HOGA1: variants seen among roughly 807,000 people sequenced by gnomAD.
HOGA1 encodes the protein 4-hydroxy-2-oxoglutarate aldolase, mitochondrial.
A neutral mutation model predicts 34.3 loss-of-function variants in HOGA1; 30 were observed. That is an observed-to-expected ratio of 0.87 (90% CI 0.65 to 1.19). The LOEUF is 1.19. Among genes scored for constraint, HOGA1 ranks in the 50% most tolerant of loss-of-function variants. The probability of loss-of-function intolerance (pLI) is 0.00; values close to 1 mark genes in which losing one functional copy is unlikely to be tolerated. For missense variants in HOGA1, 417 were observed against 436.5 expected, an observed-to-expected ratio of 0.96 and a Z score of 0.40; for synonymous variants, 161 against 174.0, an observed-to-expected ratio of 0.93 and a Z score of 0.59.
At chr10:97,610,524 C>T (rs1417880019) in intron 6 of HOGA1, among the ~76,000 whole-genome samples, 2 of 152,070 alleles carry the variant, frequency 1.3e-5, no homozygotes, top group African/African-American at 2.4e-5. Flanking sequence ...GTGGCTCATG[C>T]CTGTAATCCT....
intron 1 of HOGA1, among the ~76,000 whole-genome samples, chr10:97,594,815 T>C (rs897853361): frequency 1.3e-5 from 2 of 151,972 alleles, no homozygotes; most frequent in Non-Finnish European, 2.9e-5. Flanking sequence ...ATAGGAGAGG[T>C]CAGATTGAAA....
At chr10:97,605,620 A>G (rs2041151480) in intron 6 of HOGA1, among the ~76,000 whole-genome samples, 1 of 152,206 alleles carries the variant, frequency 6.6e-6, no homozygotes, top group Non-Finnish European at 1.5e-5. Context: ...ATAGATGTAT[A>G]GTACAGATGT....
rs1342216453 is a variant in HOGA1 at position 97,599,785 on chromosome 10, A to G, written c.574A>G (p.Ile192Val). ...AVVTLSQHPN[I>V]VGMKDSGGDV... ...GGTCACGCTTTCCCAGCACCCGAATATTGTGGGCATGAAGGACAGCGGTGG... is the reference window on the plus strand; with the variant it reads ...GGTCACGCTTTCCCAGCACCCGAATGTTGTGGGCATGAAGGACAGCGGTGG... Residue 192 changes from isoleucine (I) to valine (V), a missense_variant, in exon 4 of 7, where the codon ATT (isoleucine) becomes GTT (valine). By Grantham distance (29) the Ile-to-Val change is conservative. Coordinates refer to ENST00000370646, the MANE Select transcript of HOGA1 (RefSeq NM_138413.4). 6.2e-7 allele frequency: 1 copy of G among 1,613,962 alleles called. No individual in the cohort carries two copies. The highest frequency in any genetic ancestry group is 8.5e-7 in the Non-Finnish European group (1 of 1,180,012).
intron 1 of HOGA1, among the ~76,000 whole-genome samples, chr10:97,594,372 T>A (rs1020539925): frequency 2.0e-5 from 3 of 151,494 alleles, no homozygotes; most frequent in African/African-American, 7.3e-5. Context: ...TTTATTTTTT[T>A]AAGACAGAGT....
rs2041139424 is a variant in HOGA1, at chr10:97,603,884, T to C, written c.834+1894T>C. On this transcript the variant is annotated intron_variant, in intron 6 of 6. Transcript: ENST00000370646. This position sits in a 1 kb window ranked among gnomAD's most constrained non-coding sequence, Gnocchi z 4.5. Reference sequence around the variant, plus strand: ...CAAACTTTTTATTTTTAGATAATTATAGATTCCCATGCAACTTTAAGAACT... The same window carrying C: ...CAAACTTTTTATTTTTAGATAATTACAGATTCCCATGCAACTTTAAGAACT... Among the ~76,000 whole-genome samples, 3 of 152,208 alleles carry C rather than the reference T, an allele frequency of 2.0e-5. No individual in the cohort carries two copies. The highest frequency in any genetic ancestry group is 7.2e-5 in the African/African-American group (3 of 41,452).
At chr10:97,590,572 C>G in intron 1 of HOGA1, 1 of 1,606,780 alleles carries the variant, frequency 6.2e-7, no homozygotes, top group Admixed American at 1.7e-5. Flanking sequence ...GACACTAGAT[C>G]TGTGACTTCT....
rs949406817 is a variant in HOGA1, at chr10:97,611,160, C to T, written c.835-350C>T. On this transcript the variant is annotated intron_variant, in intron 6 of 6. Transcript: ENST00000370646. ...CTGCGTCAGGTTTCAGGGAGCTGGGCTGCAGACTGCTGATGCTCTAGTGCC... is the reference window on the plus strand; with the variant it reads ...CTGCGTCAGGTTTCAGGGAGCTGGGTTGCAGACTGCTGATGCTCTAGTGCC... Among the ~76,000 whole-genome samples, 4 of 152,290 alleles carry T rather than the reference C, an allele frequency of 2.6e-5. No homozygotes were observed. The East Asian group carries it at 5.8e-4, about 22-fold the overall frequency.
At chr10:97,604,088 C>A (rs2041140392) in intron 6 of HOGA1, among the ~76,000 whole-genome samples, 1 of 152,178 alleles carries the variant, frequency 6.6e-6, no homozygotes, top group Non-Finnish European at 1.5e-5. Context: ...CTCACATTTG[C>A]CTTCACAGGC....
chr10:97,601,750 A>C, intron 5 of HOGA1, 107 bp from the exon 6 acceptor site: 14 of 1,342,080 alleles, frequency 1.0e-5, no homozygotes, highest in African/African-American at 1.4e-5. Context: ...CAAGTGACAT[A>C]GAAATCTGTA....
At chr10:97,587,172 A>T (rs2040977335) in intron 1 of HOGA1, among the ~76,000 whole-genome samples, 1 of 152,174 alleles carries the variant, frequency 6.6e-6, no homozygotes, top group African/African-American at 2.4e-5. Context: ...TTAGCTCTGA[A>T]ATCTGTGTTT....
At chr10:97,611,186 T>C (rs1165549732) in intron 6 of HOGA1, among the ~76,000 whole-genome samples, 1 of 152,208 alleles carries the variant, frequency 6.6e-6, no homozygotes, top group African/African-American at 2.4e-5. Context: ...CTCTAGTGCC[T>C]AGACCTGCAG....
At chr10:97,600,029 C>T (rs2041104158) in intron 4 of HOGA1, 38 bp from the exon 5 acceptor site, 1 of 1,589,458 alleles carries the variant, frequency 6.3e-7, no homozygotes, top group Non-Finnish European at 8.6e-7. Flanking sequence ...CAGGATGAGG[C>T]TCTGGGCACA....
chr10:97,584,819 A>AC lies in HOGA1; in HGVS notation c.122dup (p.Val42CysfsTer47), dbSNP rs1425736036. ...AAGAAGGTGGACATTGCGGGTATCT[A>AC]CCCCCCTGTGACCACCCCCTTCACT... On this transcript the variant is annotated frameshift_variant, in exon 1 of 7. Transcript: ENST00000370646. LOFTEE classifies it high-confidence loss of function. The AC allele has an allele frequency of 1.2e-6, 2 of 1,613,522 alleles. No individual in the cohort carries two copies. Among genetic ancestry groups the AC allele is most frequent in the Non-Finnish European group, 8.5e-7 (1 of 1,179,838 alleles).
Position 97,601,990 on chromosome 10 carries a change from G to A in HOGA1, c.834G>A (p.Ala278=), listed in dbSNP as rs770050262. 6.5e-5 allele frequency: 104 copies of A among 1,611,298 alleles called. No homozygotes were observed. The East Asian group carries it at 7.8e-4, about 12-fold the overall frequency. ...LQHRLIEPNA[A]VTRRFGIPGL... ...ACCGCCTCATTGAGCCAAACGCTGC[G>A]GTGAGCCAGTGGCAGCGGGGGCGCG... Residue 278 remains alanine (A), a splice_region_variant and synonymous_variant, in exon 6 of 7, where the codon GCG becomes GCA. Coordinates refer to ENST00000370646, the MANE Select transcript of HOGA1 (RefSeq NM_138413.4).
intron 1 of HOGA1, chr10:97,591,058 G>A (rs2041018566): frequency 1.3e-5 from 2 of 159,058 alleles, no homozygotes. Context: ...CCTTTTCACT[G>A]GGCCTCATTT....
rs1272015160 is a variant in HOGA1, at chr10:97,611,448, G to A, written c.835-62G>A. 8.2e-6 allele frequency: 13 copies of A among 1,585,110 alleles called. No individual in the cohort carries two copies. The South Asian group carries it at 1.1e-4, about 13-fold the overall frequency. ...AATGTTCTGAAAGTGACAGATCTCC[G>A]AGTTCCAGATATGGGTGTTCAGCAA... On this transcript the variant is annotated intron_variant, in intron 6 of 6. Coordinates refer to ENST00000370646, the MANE Select transcript of HOGA1 (RefSeq NM_138413.4).
At position 97,584,862 on chromosome 10, in the gene HOGA1, C is replaced by G; in HGVS notation, c.159C>G (p.Asp53Glu). The G allele has an allele frequency of 1.2e-6, 2 of 1,614,156 alleles. No individual in the cohort carries two copies. The highest frequency in any genetic ancestry group is 1.7e-6 in the Non-Finnish European group (2 of 1,180,020). The change falls in exon 1 of 7, where the codon GAC becomes GAG. Residue 53 changes from aspartate (D) to glutamate (E), a missense_variant. Transcript: ENST00000370646. ...CCTTCACTGCCACTGCAGAGGTGGA[C>G]TATGGGAAACTGGAGGAGAATCTGC... ...TTPFTATAEV[D>E]YGKLEENLHK...
In HOGA1 at chr10:97,590,230, G is replaced by A. The variant is rs1378458080; in HGVS notation, c.211+5316G>A. The stretch of plus-strand genomic sequence containing the variant: ...CCTCAGTGATCCAAGAGATCCACCA[G>A]GAGTCTGGAAAAGCCCCATCCACTG... On this transcript the variant is annotated intron_variant, in intron 1 of 6. Coordinates refer to ENST00000370646, the MANE Select transcript of HOGA1 (RefSeq NM_138413.4). 5 of 1,613,798 alleles carry A rather than the reference G, an allele frequency of 3.1e-6. No homozygotes were observed. In the South Asian group the frequency reaches 3.3e-5, roughly 11 times the overall value.
chr10:97,602,054 C>T, intron 6 of HOGA1, 64 bp downstream of exon 6: 2 of 1,563,636 alleles, frequency 1.3e-6, no homozygotes, highest in East Asian at 2.4e-5. Flanking sequence ...CTCATTGGAG[C>T]AGGACCCAGG....
Sources: gnomAD v4.1 joint callset for allele counts (sites outside exome capture counted in the v4.1 genomes callset) on GRCh38, gnomAD v4.1.1 for gene constraint, Gnocchi (gnomAD v3.1) non-coding constraint, MANE v1.5 for transcripts, NCBI Gene and HGNC (gene_info 2026-07-23, HGNC 2026-07-21) for gene names.